Variants in SLC39A11 observed in about 807,000 individuals in gnomAD.
SLC39A11 encodes zinc transporter ZIP11.
In SLC39A11, 33 loss-of-function variants were observed where a neutral mutation model predicts 36.1. The observed-to-expected ratio is 0.91, with a 90% CI of 0.69 to 1.22. The LOEUF (loss-of-function observed/expected upper bound fraction) is 1.22. Among genes scored for constraint, SLC39A11 ranks in the 50% most tolerant of loss-of-function variants. The pLI, the probability that SLC39A11 is intolerant of heterozygous loss-of-function variation, is 0.00. For missense variants in SLC39A11, 432 were observed against 430.3 expected (o/e 1.00, Z -0.03); for synonymous variants, 166 against 170.3 (o/e 0.97, Z 0.20).
intron 5 of SLC39A11, among the ~76,000 whole-genome samples, chr17:72,933,200 T>G (rs2084530020): frequency 6.6e-6 from 1 of 152,210 alleles, no homozygotes; most frequent in Non-Finnish European, 1.5e-5. Context: ...CAAAAAATTC[T>G]TAGAACCAAT....
chr17:73,026,750 G>A (rs1469913066), intron 4 of SLC39A11, among the ~76,000 whole-genome samples: 3 of 151,796 alleles, frequency 2.0e-5, no homozygotes, highest in Non-Finnish European at 2.9e-5. Flanking sequence ...AATTGACCTT[G>A]GGGACACACA....
intron 5 of SLC39A11, among the ~76,000 whole-genome samples, chr17:72,911,844 A>T (rs1283440189): frequency 5.3e-5 from 8 of 152,128 alleles, no homozygotes; most frequent in Non-Finnish European, 1.0e-4. Flanking sequence ...GGGTTTCACC[A>T]TGTTGGCCAG....
At chr17:73,031,494 A>C in intron 4 of SLC39A11, 62 bp downstream of exon 4, 1 of 1,571,072 alleles carries the variant, frequency 6.4e-7, no homozygotes, top group Non-Finnish European at 8.7e-7. Flanking sequence ...GATCAGAAAT[A>C]AATTCATTGC....
intron 3 of SLC39A11, among the ~76,000 whole-genome samples, chr17:73,074,519 G>C (rs1016730018): frequency 6.6e-6 from 1 of 152,054 alleles, no homozygotes; most frequent in East Asian, 1.9e-4. Flanking sequence ...GGCTGGTCTC[G>C]AACTCCTGGC....
At chr17:72,652,097 C>T (rs1056169617) in intron 7 of SLC39A11, among the ~76,000 whole-genome samples, 5 of 152,210 alleles carry the variant, frequency 3.3e-5, no homozygotes, top group Non-Finnish European at 5.9e-5. Context: ...TCTGACATTG[C>T]AGGTGCAAAA....
Position 72,849,650 on chromosome 17 carries a change from A to G in SLC39A11, c.585T>C (p.Thr195=), listed in dbSNP as rs1009042465. The change falls in exon 6 of 10, where the codon ACT becomes ACC. Residue 195 remains threonine (T), a synonymous_variant. Coordinates refer to ENST00000255559, the MANE Select transcript of SLC39A11 (RefSeq NM_139177.4). ...AGACCTCACCTGGAACGTTGTGTATAGTGATGGCCAAGATGAGCAGTGCGA... is the reference window on the plus strand; with the variant it reads ...AGACCTCACCTGGAACGTTGTGTATGGTGATGGCCAAGATGAGCAGTGCGA... ...RRIALLILAI[T]IHNVPEGLAV... is the part of the protein sequence containing the mutation. 6.4e-6 allele frequency: 10 copies of G among 1,574,068 alleles called. No homozygotes were observed. The African/African-American group carries it at 1.4e-4, about 22-fold the overall frequency.
intron 6 of SLC39A11, among the ~76,000 whole-genome samples, chr17:72,805,734 T>A (rs2077227693): frequency 6.6e-6 from 1 of 151,618 alleles, no homozygotes; most frequent in African/African-American, 2.4e-5. Context: ...GAGTTAATTT[T>A]TTTTTCTTTT....
chr17:73,029,110 G>A (rs1165005624), intron 4 of SLC39A11, among the ~76,000 whole-genome samples: 29 of 79,184 alleles, frequency 3.7e-4, no homozygotes, highest in African/African-American at 8.8e-4. Flanking sequence ...AGAGTGAGAC[G>A]CCGTCACACA....
intron 7 of SLC39A11, among the ~76,000 whole-genome samples, chr17:72,699,627 C>T (rs1567960422): frequency 1.3e-5 from 2 of 152,226 alleles, no homozygotes; most frequent in Non-Finnish European, 2.9e-5. Flanking sequence ...TAATCCACTC[C>T]TTGCCTTGGG....
At chr17:72,823,336 G>A (rs1035718575) in intron 6 of SLC39A11, among the ~76,000 whole-genome samples, 1 of 151,230 alleles carries the variant, frequency 6.6e-6, no homozygotes, top group African/African-American at 2.4e-5. Flanking sequence ...AGGTTCTGAA[G>A]TAAACTGTCT....
chr17:72,940,987 G>A (rs758786424), intron 5 of SLC39A11, among the ~76,000 whole-genome samples: 44 of 152,174 alleles, frequency 2.9e-4, no homozygotes, highest in Non-Finnish European at 5.3e-4. Context: ...TATAAGAAAA[G>A]GAGATTGGGA....
chr17:72,905,064 T>C (rs886748238), intron 5 of SLC39A11, among the ~76,000 whole-genome samples: 5 of 148,508 alleles, frequency 3.4e-5, no homozygotes, highest in African/African-American at 5.0e-5. Flanking sequence ...TCCCAGCTAC[T>C]TGGGAGGCTG....
At position 72,900,153 on chromosome 17, in the gene SLC39A11, A is replaced by AAAAGAAAG. The variant is rs201428795; in HGVS notation, c.430+47591_430+47598dup. On this transcript the variant is annotated intron_variant, in intron 5 of 9. Transcript: ENST00000255559. ...AAGAAAGAAAGAAAAAGAAAGAAAG[A>AAAAGAAAG]AAAGAAAGAAAGAAAGAAAGAAAGA... 7.8e-3 allele frequency among the ~76,000 whole-genome samples: 479 copies of AAAAGAAAG among 61,232 alleles called. 15 individuals are homozygous for AAAAGAAAG. Among genetic ancestry groups the AAAAGAAAG allele is most frequent in the East Asian group, 0.011 (28 of 2,470 alleles). The allele number at this position is 61,232 out of a possible 152,430, so 40.2% of individuals were successfully genotyped here.
intron 5 of SLC39A11, among the ~76,000 whole-genome samples, chr17:72,857,418 A>T (rs1477343560): frequency 6.6e-6 from 1 of 152,136 alleles, no homozygotes; most frequent in Non-Finnish European, 1.5e-5. Flanking sequence ...TGTCCTTGCC[A>T]TTGTGAATAG....
At chr17:73,053,094 G>C (rs184117839) in intron 3 of SLC39A11, among the ~76,000 whole-genome samples, 29 of 152,286 alleles carry the variant, frequency 1.9e-4, no homozygotes, top group Admixed American at 1.8e-3. Flanking sequence ...CACATGAGCT[G>C]AGATGAGTTC....
At chr17:72,891,237 C>A (rs1430333107) in intron 5 of SLC39A11, among the ~76,000 whole-genome samples, 1 of 152,102 alleles carries the variant, frequency 6.6e-6, no homozygotes, top group Non-Finnish European at 1.5e-5. Flanking sequence ...GCCTGATCAA[C>A]ATGGTGAAAC....
At chr17:72,754,051 TACACACACAC>T (rs58802713) in intron 6 of SLC39A11, among the ~76,000 whole-genome samples, 2,987 of 107,956 alleles carry the variant, frequency 0.028, 74 homozygotes, top group Admixed American at 0.066. Flanking sequence ...TATATACACA[TACACACACAC>T]ACACACACAC....
At chr17:73,080,108 T>C (rs1240413221) in intron 3 of SLC39A11, among the ~76,000 whole-genome samples, 1 of 152,040 alleles carries the variant, frequency 6.6e-6, no homozygotes, top group Admixed American at 6.6e-5. Flanking sequence ...AACACCACCA[T>C]CATTCTTCAC....
At chr17:73,058,755 C>T (rs2059748721) in intron 3 of SLC39A11, among the ~76,000 whole-genome samples, 1 of 152,170 alleles carries the variant, frequency 6.6e-6, no homozygotes, top group African/African-American at 2.4e-5. Flanking sequence ...CTTCAGAAGA[C>T]TGACGCAGTT....
Sources: gnomAD v4.1 joint callset for allele counts (sites outside exome capture counted in the v4.1 genomes callset) on GRCh38, gnomAD v4.1.1 for gene constraint, MANE v1.5 for transcripts, NCBI Gene and HGNC (gene_info 2026-07-23, HGNC 2026-07-21) for gene names.